RGS7: variants seen among roughly 807,000 people sequenced by gnomAD.
The protein encoded by RGS7 is regulator of G-protein signaling 7.
A neutral mutation model predicts 81.1 loss-of-function variants in RGS7; 27 were observed. The ratio of observed to expected loss-of-function variants is 0.33; its 90% CI spans 0.25 to 0.46. RGS7 has a LOEUF of 0.46. Ranked by LOEUF, RGS7 falls within the 20% of genes least tolerant of loss-of-function variation. The probability of loss-of-function intolerance (pLI) is 1.00; values close to 1 mark genes in which losing one functional copy is unlikely to be tolerated. For missense variants in RGS7, 396 were observed against 607.4 expected, an observed-to-expected ratio of 0.65 and a Z score of 3.66; for synonymous variants, 208 against 207.7, an observed-to-expected ratio of 1.00 and a Z score of -0.01.
chr1:240,783,913 T>C (rs1396225928), intron 18 of RGS7, among the ~76,000 whole-genome samples: 1 of 151,230 alleles, frequency 6.6e-6, no homozygotes, highest in African/African-American at 2.4e-5. Context: ...CGGTGATTCA[T>C]GCCTGTAATC....
intron 2 of RGS7, among the ~76,000 whole-genome samples, chr1:241,128,773 T>C (rs925242872): frequency 2.0e-3 from 46 of 23,096 alleles, no homozygotes; most frequent in Non-Finnish European, 1.8e-3. Context: ...TGCAGAATAA[T>C]AGGCAAAAAA....
At chr1:241,056,969 C>T (rs983678072) in intron 3 of RGS7, among the ~76,000 whole-genome samples, 2 of 151,972 alleles carry the variant, frequency 1.3e-5, no homozygotes, top group South Asian at 4.1e-4. Flanking sequence ...CTTTTTTGTC[C>T]TTCCTCTCAC....
At chr1:241,064,238 G>C (rs1264483506) in intron 3 of RGS7, among the ~76,000 whole-genome samples, 1 of 150,926 alleles carries the variant, frequency 6.6e-6, no homozygotes, top group African/African-American at 2.4e-5. Context: ...GCTTTTTGTA[G>C]GTCAGTGTTT....
chr1:240,979,107 C>T (rs1684559814), intron 4 of RGS7, among the ~76,000 whole-genome samples: 1 of 152,066 alleles, frequency 6.6e-6, no homozygotes, highest in South Asian at 2.1e-4. Flanking sequence ...TAAAAAACAG[C>T]ATATGCACAG....
intron 3 of RGS7, among the ~76,000 whole-genome samples, chr1:241,004,240 C>G (rs1044234109): frequency 6.6e-6 from 1 of 152,162 alleles, no homozygotes; most frequent in Non-Finnish European, 1.5e-5. Context: ...TATAAACTTG[C>G]AGTTGCCATC....
At chr1:241,298,841 G>T (rs748338682) in intron 2 of RGS7, among the ~76,000 whole-genome samples, 1 of 152,156 alleles carries the variant, frequency 6.6e-6, no homozygotes, top group Non-Finnish European at 1.5e-5. Flanking sequence ...GCATCTCCTG[G>T]ACTAAGATCA....
chr1:241,110,869 G>T (rs1236830556), intron 2 of RGS7, among the ~76,000 whole-genome samples: 4 of 151,938 alleles, frequency 2.6e-5, no homozygotes, highest in Admixed American at 2.6e-4. Flanking sequence ...ATTTTTAGTA[G>T]AGATGGGGTT....
chr1:240,802,802 C>T, intron 16 of RGS7, 102 bp downstream of exon 16: 2 of 824,394 alleles, frequency 2.4e-6, no homozygotes, highest in Non-Finnish European at 4.3e-6. Flanking sequence ...AGTATGTTCA[C>T]TTACCATTAG....
At chr1:241,111,257 T>C (rs2065492729) in intron 2 of RGS7, among the ~76,000 whole-genome samples, 1 of 152,214 alleles carries the variant, frequency 6.6e-6, no homozygotes, top group East Asian at 1.9e-4. Context: ...CTAGTTCCTA[T>C]TATTTAATTC....
In RGS7 at chr1:240,803,239, TG is replaced by T. The variant is rs1365493857; in HGVS notation, c.1270-247del. Among the ~76,000 whole-genome samples, 3 of 152,248 alleles carry T rather than the reference TG, an allele frequency of 2.0e-5. No individual in the cohort carries two copies. The East Asian group carries it at 5.8e-4, about 29-fold the overall frequency. On this transcript the variant is annotated intron_variant, in intron 15 of 18. Transcript: ENST00000440928. The stretch of plus-strand genomic sequence containing the variant: ...AAATCACATCCAGTCATTACAAAAA[TG>T]GAATTTGATTAATAAAATGTCATAA...
chr1:240,851,912 G>A (rs1660178736), intron 9 of RGS7, among the ~76,000 whole-genome samples: 1 of 152,172 alleles, frequency 6.6e-6, no homozygotes, highest in Admixed American at 6.5e-5. Context: ...AGCAAATAAA[G>A]TTGTTTCTTA....
chr1:240,845,266 G>A (rs1482886521), intron 9 of RGS7, among the ~76,000 whole-genome samples: 2 of 152,180 alleles, frequency 1.3e-5, no homozygotes, highest in Non-Finnish European at 2.9e-5. Context: ...TAGCATGGCT[G>A]ATAATATGTA....
At chr1:241,299,531 GGCT>G (rs2079611239) in intron 2 of RGS7, among the ~76,000 whole-genome samples, 1 of 151,326 alleles carries the variant, frequency 6.6e-6, no homozygotes, top group South Asian at 2.1e-4. Context: ...CATCAGCTTT[GGCT>G]GCTATGGCAA....
chr1:241,001,191 G>T (rs1688092218), intron 3 of RGS7, among the ~76,000 whole-genome samples: 1 of 152,154 alleles, frequency 6.6e-6, no homozygotes, highest in African/African-American at 2.4e-5. Flanking sequence ...TTATGAATGT[G>T]AAAGTGAATA....
chr1:241,198,934 T>G (rs915033096), intron 2 of RGS7, among the ~76,000 whole-genome samples: 2 of 152,078 alleles, frequency 1.3e-5, no homozygotes, highest in African/African-American at 4.8e-5. Context: ...ATATTACAAA[T>G]TTGTGCTAAC....
At chr1:241,077,064 T>C (rs2062845161) in intron 3 of RGS7, among the ~76,000 whole-genome samples, 1 of 152,228 alleles carries the variant, frequency 6.6e-6, no homozygotes, top group Non-Finnish European at 1.5e-5. Context: ...CCAACTATTC[T>C]TTTTTATCAC....
intron 3 of RGS7, among the ~76,000 whole-genome samples, chr1:240,999,599 A>T (rs1687823309): frequency 6.6e-6 from 1 of 151,930 alleles, no homozygotes; most frequent in Non-Finnish European, 1.5e-5. Flanking sequence ...TACGATGAGT[A>T]TTTTGTTGTT....
chr1:241,087,180 T>A (rs1242974632), intron 3 of RGS7, among the ~76,000 whole-genome samples: 1 of 152,184 alleles, frequency 6.6e-6, no homozygotes, highest in Non-Finnish European at 1.5e-5. Flanking sequence ...CACATAGGAT[T>A]CCACAGATCC....
chr1:240,905,114 A>T (rs988753235), intron 6 of RGS7, among the ~76,000 whole-genome samples: 1 of 152,206 alleles, frequency 6.6e-6, no homozygotes, highest in African/African-American at 2.4e-5. Context: ...ATTTTAAGAC[A>T]AGAATAATAT....
Sources: gnomAD v4.1 joint callset for allele counts (sites outside exome capture counted in the v4.1 genomes callset) on GRCh38, gnomAD v4.1.1 for gene constraint, MANE v1.5 for transcripts, NCBI Gene and HGNC (gene_info 2026-07-23, HGNC 2026-07-21) for gene names.